The following TNNI3K variants were observed in gnomAD, a reference collection of about 807,000 sequenced individuals.
TNNI3K encodes the protein serine/threonine-protein kinase TNNI3K.
In TNNI3K, 140 loss-of-function variants were observed where a neutral mutation model predicts 114.5. That is an observed-to-expected ratio of 1.22 (90% CI 1.07 to 1.41). The LOEUF (loss-of-function observed/expected upper bound fraction) is 1.41. Ranked by LOEUF, TNNI3K falls within the 40% of genes most tolerant of loss-of-function variation. The pLI is 0.00. For missense variants in TNNI3K, 1,125 were observed against 1,007.6 expected (o/e 1.12, Z -1.58); for synonymous variants, 347 against 347.5 (o/e 1.00, Z 0.02).
intron 9 of TNNI3K, among the ~76,000 whole-genome samples, chr1:74,348,185 G>C (rs1208918853): frequency 6.6e-6 from 1 of 152,166 alleles, no homozygotes; most frequent in Admixed American, 6.5e-5. Context: ...TAAGGTGTAA[G>C]GAAGGGATCC....
At chr1:74,304,087 G>C (rs1658483924) in intron 5 of TNNI3K, among the ~76,000 whole-genome samples, 1 of 152,184 alleles carries the variant, frequency 6.6e-6, no homozygotes, top group Non-Finnish European at 1.5e-5. Flanking sequence ...AAGATACTGT[G>C]AACAATGCTG....
At chr1:74,479,552 G>C (rs1043901927) in intron 21 of TNNI3K, among the ~76,000 whole-genome samples, 1 of 152,164 alleles carries the variant, frequency 6.6e-6, no homozygotes, top group African/African-American at 2.4e-5. Flanking sequence ...GCTAATAGCA[G>C]AGCCAGGATT....
At chr1:74,258,171 A>G (rs192449679) in intron 4 of TNNI3K, among the ~76,000 whole-genome samples, 279 of 152,274 alleles carry the variant, frequency 1.8e-3, no homozygotes, top group African/African-American at 6.6e-3. Flanking sequence ...GCAATAAATC[A>G]GGTGATCTTT....
intron 9 of TNNI3K, among the ~76,000 whole-genome samples, chr1:74,345,184 C>T (rs934713026): frequency 2.0e-5 from 3 of 151,856 alleles, no homozygotes; most frequent in Non-Finnish European, 4.4e-5. Context: ...TGTTATGGAT[C>T]GTATTTATAA....
intron 5 of TNNI3K, among the ~76,000 whole-genome samples, chr1:74,315,666 G>A (rs1659266024): frequency 6.6e-6 from 1 of 151,818 alleles, no homozygotes; most frequent in African/African-American, 2.4e-5. Context: ...CTATTATCAA[G>A]TCTTATTTCC....
At chr1:74,470,728 T>C (rs1021134994) in intron 21 of TNNI3K, 11 of 400,632 alleles carry the variant, frequency 2.7e-5, no homozygotes, top group African/African-American at 2.1e-4. Flanking sequence ...TTCTTTATTT[T>C]CAAGCTGTGC....
At chr1:74,448,261 A>T (rs1224408573) in intron 20 of TNNI3K, among the ~76,000 whole-genome samples, 2 of 43,622 alleles carry the variant, frequency 4.6e-5, no homozygotes, top group African/African-American at 2.2e-4. Flanking sequence ...AGAGTATAAT[A>T]AAAAAAAAAA....
rs1265741157 is a variant in TNNI3K, at chr1:74,369,492, T to C, written c.1574T>C (p.Val525Ala). Reference protein sequence around the residue: ...QLNHPCVIQFVGACLNDPSQF... With the variant: ...QLNHPCVIQFAGACLNDPSQF... Reference sequence around the variant, plus strand: ...AATCATCCCTGCGTAATTCAGTTTGTGGGTGCTTGCTTGAATGATCCCAGC... The same window carrying C: ...AATCATCCCTGCGTAATTCAGTTTGCGGGTGCTTGCTTGAATGATCCCAGC... The change falls in exon 16 of 25, where the codon GTG (valine) becomes GCG (alanine). Residue 525 changes from valine (V) to alanine (A), a missense_variant. Val to Ala is a moderately conservative substitution (Grantham distance 64). Transcript: ENST00000326637. 1.2e-6 allele frequency: 2 copies of C among 1,612,710 alleles called. No homozygotes were observed. The highest frequency in any genetic ancestry group is 1.7e-6 in the Non-Finnish European group (2 of 1,179,260).
chr1:74,511,744 A>G (rs975793422), intron 23 of TNNI3K, among the ~76,000 whole-genome samples: 2 of 151,984 alleles, frequency 1.3e-5, no homozygotes, highest in African/African-American at 4.8e-5. Flanking sequence ...GAGCCTGAGA[A>G]GAGTCAAGGT....
At chr1:74,332,672 T>C (rs1255442210) in intron 6 of TNNI3K, among the ~76,000 whole-genome samples, 1 of 152,092 alleles carries the variant, frequency 6.6e-6, no homozygotes, top group Non-Finnish European at 1.5e-5. Flanking sequence ...TCATGCGCTA[T>C]TAATAATAAA....
At chr1:74,427,473 A>G (rs1182704945) in intron 17 of TNNI3K, among the ~76,000 whole-genome samples, 1 of 152,042 alleles carries the variant, frequency 6.6e-6, no homozygotes, top group African/African-American at 2.4e-5. Flanking sequence ...GTGACCACCA[A>G]ATCCAAGTTT....
At chr1:74,503,728 A>G (rs912063155) in intron 23 of TNNI3K, among the ~76,000 whole-genome samples, 2 of 152,240 alleles carry the variant, frequency 1.3e-5, no homozygotes, top group African/African-American at 4.8e-5. Context: ...AGCAAGTGCC[A>G]CGATGCCTAT....
At chr1:74,429,766 A>G (rs988049905) in intron 17 of TNNI3K, among the ~76,000 whole-genome samples, 3 of 152,148 alleles carry the variant, frequency 2.0e-5, no homozygotes, top group Non-Finnish European at 4.4e-5. Flanking sequence ...TGAGATTGAA[A>G]ATGAAGCCTA....
Position 74,439,546 on chromosome 1 carries a change from A to G in TNNI3K, c.1935A>G (p.Lys645=). 2 of 1,613,542 alleles carry G rather than the reference A, an allele frequency of 1.2e-6. No homozygotes were observed. The highest frequency in any genetic ancestry group is 2.2e-5 in the South Asian group (2 of 91,068). The part of the protein sequence containing the change: ...VFTQCTRYTI[K]ADVFSYALCL... ...CGCAGTGCACTCGGTACACCATCAA[A>G]GCAGATGTCTTCAGCTATGCTCTGT... The change falls in exon 20 of 25, where the codon AAA becomes AAG. Residue 645 remains lysine, a synonymous_variant. Coordinates refer to ENST00000326637, the MANE Select transcript of TNNI3K (RefSeq NM_015978.3).
chr1:74,321,251 A>G (rs558473547), intron 5 of TNNI3K, among the ~76,000 whole-genome samples: 1 of 152,282 alleles, frequency 6.6e-6, no homozygotes, highest in South Asian at 2.1e-4. Flanking sequence ...CAGCAAGATG[A>G]TGGTTAACTG....
Position 74,342,809 on chromosome 1 carries a change from A to G in TNNI3K, c.683-33A>G. On this transcript the variant is annotated intron_variant, in intron 7 of 24. Coordinates refer to ENST00000326637, the MANE Select transcript of TNNI3K (RefSeq NM_015978.3). ...AAGGTTGAGAAACAAACAATTCTAG[A>G]TAACATATCTTTTTCTTTCTTGCTG... 6.2e-6 allele frequency: 10 copies of G among 1,611,910 alleles called. No homozygotes were observed. In the South Asian group the frequency reaches 6.6e-5, roughly 11 times the overall value.
At chr1:74,464,922 A>G (rs1350171724) in intron 21 of TNNI3K, 3 of 1,271,106 alleles carry the variant, frequency 2.4e-6, no homozygotes, top group South Asian at 3.1e-5. Context: ...AATGAATACC[A>G]GTATTGCCTA....
chr1:74,521,952 G>A (rs1646438738), intron 23 of TNNI3K, among the ~76,000 whole-genome samples: 1 of 152,102 alleles, frequency 6.6e-6, no homozygotes, highest in Non-Finnish European at 1.5e-5. Flanking sequence ...TCCAACTGTT[G>A]TTAATCTTCT....
At chr1:74,304,848 A>C (rs922613991) in intron 5 of TNNI3K, among the ~76,000 whole-genome samples, 51 of 152,318 alleles carry the variant, frequency 3.3e-4, no homozygotes, top group African/African-American at 1.2e-3. Context: ...TATTTTGTGC[A>C]CTGGGAAACT....
Sources: gnomAD v4.1 joint callset for allele counts (sites outside exome capture counted in the v4.1 genomes callset) on GRCh38, gnomAD v4.1.1 for gene constraint, MANE v1.5 for transcripts, NCBI Gene and HGNC (gene_info 2026-07-23, HGNC 2026-07-21) for gene names.